FARSB: variants seen among roughly 807,000 people sequenced by gnomAD.
FARSB encodes the protein phenylalanyl-tRNA synthetase subunit beta, also known as phenylalanine--tRNA ligase beta subunit.
A neutral mutation model predicts 69.6 loss-of-function variants in FARSB; 40 were observed. That is an observed-to-expected ratio of 0.57 (90% CI 0.45 to 0.75). The LOEUF (loss-of-function observed/expected upper bound fraction) is 0.75. Among genes scored for constraint, FARSB ranks in the 30% least tolerant of loss-of-function variants. The probability of loss-of-function intolerance (pLI) is 0.00; values close to 1 mark genes in which losing one functional copy is unlikely to be tolerated. For missense variants in FARSB, 632 were observed against 722.9 expected (o/e 0.87, Z 1.44); for synonymous variants, 235 against 247.2 (o/e 0.95, Z 0.46).
intron 10 of FARSB, among the ~76,000 whole-genome samples, chr2:222,626,796 G>A (rs781352000): frequency 2.6e-5 from 4 of 152,138 alleles, no homozygotes; most frequent in Non-Finnish European, 2.9e-5. Flanking sequence ...CATTTTGGGA[G>A]GCCAAAGCGG....
intron 16 of FARSB, among the ~76,000 whole-genome samples, chr2:222,585,494 A>G (rs1361950968): frequency 1.3e-5 from 2 of 152,276 alleles, no homozygotes; most frequent in African/African-American, 4.8e-5. Context: ...CTTCGCCAGC[A>G]ATGGAACAAG....
intron 16 of FARSB, among the ~76,000 whole-genome samples, chr2:222,593,501 C>A (rs1304051634): frequency 2.0e-5 from 3 of 152,142 alleles, no homozygotes; most frequent in African/African-American, 4.8e-5. Flanking sequence ...TTGTGTGTAG[C>A]TTAGGCTCTG....
intron 16 of FARSB, among the ~76,000 whole-genome samples, chr2:222,595,467 A>T (rs1205877616): frequency 1.3e-5 from 2 of 152,204 alleles, no homozygotes; most frequent in African/African-American, 4.8e-5. Context: ...CCCACTGTGT[A>T]TACAGATGGT....
Position 222,639,686 on chromosome 2 carries a change from T to C in FARSB, c.349A>G (p.Ile117Val), listed in dbSNP as rs1218586548. 4 of 1,528,596 alleles carry C rather than the reference T, an allele frequency of 2.6e-6. No individual in the cohort carries two copies. Among genetic ancestry groups the C allele is most frequent in the South Asian group, 1.2e-5 (1 of 80,656 alleles). 94.7% of individuals were successfully genotyped at this position (1,528,596 alleles called of 1,614,324 possible). Reference protein sequence around the residue: ...KLIITEETAKIRPFAVAAVLR... With the variant: ...KLIITEETAKVRPFAVAAVLR... ...ACTGCTGCTACCGCAAAAGGACGTA[T>C]CTTAGCTGTCTGAAATTCATAATAT... Residue 117 changes from isoleucine to valine, a missense_variant, in exon 5 of 17, where the codon ATA becomes GTA. Transcript: ENST00000281828.
chr2:222,636,394 A>AG (rs942971953), intron 5 of FARSB, among the ~76,000 whole-genome samples: 4 of 151,536 alleles, frequency 2.6e-5, no homozygotes, highest in African/African-American at 9.7e-5. Context: ...TCAAAAAAAA[A>AG]AAAAAAAAAA....
intron 14 of FARSB, among the ~76,000 whole-genome samples, chr2:222,615,871 A>C (rs1010208571): frequency 6.6e-6 from 1 of 152,274 alleles, no homozygotes; most frequent in African/African-American, 2.4e-5. Flanking sequence ...GCAAGTGCCC[A>C]AACCATTCAC....
intron 12 of FARSB, 67 bp from the exon 13 acceptor site, chr2:222,623,797 A>G (rs1360147156): frequency 1.6e-5 from 16 of 971,244 alleles, no homozygotes; most frequent in Non-Finnish European, 2.6e-5. Context: ...GGAGATTTAT[A>G]CAGAACATGC....
intron 16 of FARSB, among the ~76,000 whole-genome samples, chr2:222,577,387 AAAAG>A (rs1195766950): frequency 1.3e-5 from 2 of 152,236 alleles, no homozygotes; most frequent in African/African-American, 2.4e-5. Context: ...TCTGAAGATC[AAAAG>A]AAAGAAAACC....
At chr2:222,630,983 T>G (rs1200533585) in intron 8 of FARSB, among the ~76,000 whole-genome samples, 1 of 152,202 alleles carries the variant, frequency 6.6e-6, no homozygotes, top group Non-Finnish European at 1.5e-5. Flanking sequence ...CATTTGAGGT[T>G]ACCTTTTTTA....
chr2:222,572,121 T>A, intron 16 of FARSB, 99 bp from the exon 17 acceptor site: 1 of 978,850 alleles, frequency 1.0e-6, no homozygotes, highest in Non-Finnish European at 1.5e-6. Flanking sequence ...TAAAAATAAC[T>A]ATTCTTTAAA....
At chr2:222,638,118 TAAA>T (rs1221882134) in intron 5 of FARSB, among the ~76,000 whole-genome samples, 1 of 152,134 alleles carries the variant, frequency 6.6e-6, no homozygotes, top group Non-Finnish European at 1.5e-5. Flanking sequence ...AAAAGGATAA[TAAA>T]GAAACATTAT....
At chr2:222,593,825 A>C (rs558482976) in intron 16 of FARSB, among the ~76,000 whole-genome samples, 25 of 152,184 alleles carry the variant, frequency 1.6e-4, no homozygotes, top group Non-Finnish European at 3.4e-4. Context: ...GCGCTACTGC[A>C]CTCCAGTCTG....
chr2:222,627,988 T>C (rs577409430), intron 10 of FARSB, among the ~76,000 whole-genome samples: 1 of 152,352 alleles, frequency 6.6e-6, no homozygotes, highest in South Asian at 2.1e-4. Context: ...GTCAAGTCCC[T>C]TGGGGACAAA....
At position 222,643,156 on chromosome 2, in the gene FARSB, T is replaced by C. The variant is rs530765913; in HGVS notation, c.115-151A>G. 78 of 507,918 alleles carry C rather than the reference T, an allele frequency of 1.5e-4. No homozygotes were observed. In the South Asian group the frequency reaches 2.7e-3, roughly 18 times the overall value. The allele number at this position is 507,918 out of a possible 1,614,324, so 31.5% of individuals were successfully genotyped here. On this transcript the variant is annotated intron_variant, in intron 2 of 16. Transcript: ENST00000281828. Reference sequence around the variant, plus strand: ...TATTATATCCACGACAAAAACAACATGAAAATATTAAGTGTTATAATCATA... The same window carrying C: ...TATTATATCCACGACAAAAACAACACGAAAATATTAAGTGTTATAATCATA...
intron 14 of FARSB, among the ~76,000 whole-genome samples, chr2:222,616,545 CAA>C (rs11447332): frequency 1.3e-5 from 1 of 74,116 alleles, no homozygotes. Flanking sequence ...GACTCCATCT[CAA>C]AAAAAAAAAA....
intron 15 of FARSB, among the ~76,000 whole-genome samples, chr2:222,608,041 A>T (rs1690752582): frequency 6.6e-6 from 1 of 152,186 alleles, no homozygotes. Context: ...GTGGAACCAA[A>T]TGTACTAAAA....
chr2:222,630,293 A>C (rs1471134427), intron 8 of FARSB, 119 bp from the exon 9 acceptor site: 1 of 545,482 alleles, frequency 1.8e-6, no homozygotes, highest in African/African-American at 2.0e-5. Context: ...TTACGTATAC[A>C]TTTTAAGAAA....
At position 222,639,649 on chromosome 2, in the gene FARSB, A is replaced by T; in HGVS notation, c.386T>A (p.Ile129Lys). ...GTCATATCGATCTTTAGTAAACTTT[A>T]TATTACGGAGAACTGCTGCTACCGC... Reference protein sequence around the residue: ...PFAVAAVLRNIKFTKDRYDSF... With the variant: ...PFAVAAVLRNKKFTKDRYDSF... The change falls in exon 5 of 17, where the codon ATA becomes AAA. Residue 129 changes from isoleucine to lysine, a missense_variant. Coordinates refer to ENST00000281828, the MANE Select transcript of FARSB (RefSeq NM_005687.5). 1 of 1,593,030 alleles carries T rather than the reference A, an allele frequency of 6.3e-7. No individual in the cohort carries two copies. The highest frequency in any genetic ancestry group is 1.1e-5 in the South Asian group (1 of 87,076).
chr2:222,599,260 T>C (rs942062263), intron 16 of FARSB, among the ~76,000 whole-genome samples: 2 of 152,176 alleles, frequency 1.3e-5, no homozygotes, highest in African/African-American at 4.8e-5. Flanking sequence ...ACCTTTCATC[T>C]AACAAAATAA....
Sources: gnomAD v4.1 joint callset for allele counts (sites outside exome capture counted in the v4.1 genomes callset) on GRCh38, gnomAD v4.1.1 for gene constraint, MANE v1.5 for transcripts, NCBI Gene and HGNC (gene_info 2026-07-23, HGNC 2026-07-21) for gene names.